The following SIK2 variants were observed in gnomAD, a reference collection of about 807,000 sequenced individuals.
The protein encoded by SIK2 is serine/threonine-protein kinase SIK2.
In SIK2, 29 loss-of-function variants were observed where a neutral mutation model predicts 103.2. The observed-to-expected ratio is 0.28, with a 90% CI of 0.21 to 0.38. The LOEUF (loss-of-function observed/expected upper bound fraction) is 0.38. SIK2 is among the 10% of genes least tolerant of loss of function. SIK2 has a pLI of 1.00. For synonymous variants in SIK2, 412 were observed against 446.1 expected (o/e 0.92, Z 0.96); for missense variants, 879 against 1,171.0 (o/e 0.75, Z 3.64).
intron 3 of SIK2, among the ~76,000 whole-genome samples, chr11:111,634,802 G>T (rs763958141): frequency 7.9e-5 from 12 of 152,182 alleles, no homozygotes; most frequent in Non-Finnish European, 1.6e-4. Flanking sequence ...GGCACATGTT[G>T]TATGGGTTTT....
chr11:111,678,810 G>C (rs1337604306), intron 3 of SIK2, among the ~76,000 whole-genome samples: 1 of 152,224 alleles, frequency 6.6e-6, no homozygotes, highest in Non-Finnish European at 1.5e-5. Flanking sequence ...GCAGAAGCCA[G>C]TAGGATAGAT....
At chr11:111,681,276 T>G (rs1303111133) in intron 3 of SIK2, among the ~76,000 whole-genome samples, 1 of 152,234 alleles carries the variant, frequency 6.6e-6, no homozygotes, top group Non-Finnish European at 1.5e-5. Flanking sequence ...ATGTATCATT[T>G]TTATTAGACT....
At chr11:111,612,892 T>A in intron 1 of SIK2, among the ~76,000 whole-genome samples, 1 of 139,452 alleles carries the variant, frequency 7.2e-6, no homozygotes, top group African/African-American at 2.9e-5. Flanking sequence ...TGTAATAGCC[T>A]TAGAAACAAG....
chr11:111,620,962 A>G (rs1250548620), intron 3 of SIK2, among the ~76,000 whole-genome samples: 1 of 152,220 alleles, frequency 6.6e-6, no homozygotes, highest in Admixed American at 6.5e-5. Flanking sequence ...AAAAAAATTT[A>G]AATATTTTAT....
rs1565382837 is a variant in SIK2, at chr11:111,712,352, G to C, written c.1243G>C (p.Glu415Gln). ...TCAGGCGGAAGCTGCATTCATGGAA[G>C]AAGAGTGTGTGGACACTCCAAAGGT... ...GCQAEAAFME[E>Q]ECVDTPKVNG... is the part of the protein sequence containing the mutation. The change falls in exon 9 of 15, where the codon GAA becomes CAA. Residue 415 changes from glutamate to glutamine, a missense_variant. Around this residue, in one of 7 missense-constraint regions of SIK2, gnomAD observed 222 missense variants for 258.0 expected, o/e 0.86. Transcript: ENST00000304987. 1.2e-6 allele frequency: 2 copies of C among 1,614,164 alleles called. No individual in the cohort carries two copies. Among genetic ancestry groups the C allele is most frequent in the Non-Finnish European group, 1.7e-6 (2 of 1,180,022 alleles).
intron 11 of SIK2, 62 bp from the exon 12 acceptor site, chr11:111,720,827 GTGTGGTCACC>G: frequency 1.9e-6 from 3 of 1,577,734 alleles, no homozygotes; most frequent in Non-Finnish European, 2.6e-6. Context: ...TGCCATGTTG[GTGTGGTCACC>G]TGTGGTCACT....
chr11:111,629,104 A>G (rs1010230924), intron 3 of SIK2, among the ~76,000 whole-genome samples: 1 of 152,170 alleles, frequency 6.6e-6, no homozygotes, highest in Non-Finnish European at 1.5e-5. Flanking sequence ...GAGAGGCTGA[A>G]TGTTTGGGTT....
At chr11:111,614,289 G>C (rs889464681) in intron 1 of SIK2, among the ~76,000 whole-genome samples, 2 of 151,890 alleles carry the variant, frequency 1.3e-5, no homozygotes, top group Admixed American at 1.3e-4. Flanking sequence ...TCACCATGTT[G>C]GCCAGGCTGG....
chr11:111,614,449 T>C (rs1487104609), intron 1 of SIK2, among the ~76,000 whole-genome samples: 1 of 152,172 alleles, frequency 6.6e-6, no homozygotes, highest in Non-Finnish European at 1.5e-5. Flanking sequence ...ACAGAAACAG[T>C]CCATTAACAC....
At chr11:111,717,687 C>G (rs1234292574) in intron 9 of SIK2, among the ~76,000 whole-genome samples, 2 of 152,208 alleles carry the variant, frequency 1.3e-5, no homozygotes, top group East Asian at 3.8e-4. Flanking sequence ...GACATGGAAT[C>G]AACCCAAATG....
chr11:111,665,508 CA>C lies in SIK2; in HGVS notation c.317-22486del, dbSNP rs559593360. ...AGGGTGACAGAGCAAGACCCTGTCT[CA>C]AAAAAAGAAAAAAAAAGGAAAAGAA... is the stretch of plus-strand genomic sequence containing the variant. On this transcript the variant is annotated intron_variant, in intron 3 of 14. Transcript: ENST00000304987. 2.0e-5 allele frequency among the ~76,000 whole-genome samples: 3 copies of C among 150,788 alleles called. No individual in the cohort carries two copies. The East Asian group carries it at 5.9e-4, about 29-fold the overall frequency.
Position 111,720,564 on chromosome 11 carries a change from T to C in SIK2, c.1582T>C (p.Phe528Leu). ...DMGSVQRDLN[F>L]LEDNPSLKDI... Reference sequence around the variant, plus strand: ...GGGGTCTGTTCAGAGGGACCTGAACTTTCTGGAAGACAACCCTTCCCTTAA... The same window carrying C: ...GGGGTCTGTTCAGAGGGACCTGAACCTTCTGGAAGACAACCCTTCCCTTAA... The change falls in exon 11 of 15, where the codon TTT (phenylalanine) becomes CTT (leucine). Residue 528 changes from phenylalanine to leucine, a missense_variant. Around this residue, in one of 7 missense-constraint regions of SIK2, gnomAD observed 222 missense variants for 258.0 expected, o/e 0.86. Coordinates refer to ENST00000304987, the MANE Select transcript of SIK2 (RefSeq NM_015191.3). 6.2e-7 allele frequency: 1 copy of C among 1,614,170 alleles called. No homozygotes were observed. The highest frequency in any genetic ancestry group is 8.5e-7 in the Non-Finnish European group (1 of 1,180,034).
At chr11:111,669,588 TAAAAAAGAAA>T (rs1241189847) in intron 3 of SIK2, among the ~76,000 whole-genome samples, 2 of 148,598 alleles carry the variant, frequency 1.3e-5, no homozygotes, top group East Asian at 2.0e-4. Flanking sequence ...CCATCTCTTT[TAAAAAAGAAA>T]AAAAAAGAAA....
chr11:111,703,499 T>C, intron 7 of SIK2, 76 bp downstream of exon 7: 1 of 1,338,828 alleles, frequency 7.5e-7, no homozygotes, highest in Non-Finnish European at 1.1e-6. Flanking sequence ...GTCATCCTGG[T>C]CTTTTAGCAC....
intron 3 of SIK2, among the ~76,000 whole-genome samples, chr11:111,685,315 C>T (rs1000354998): frequency 1.3e-5 from 2 of 152,242 alleles, no homozygotes; most frequent in African/African-American, 4.8e-5. Context: ...GGGTTCCTAA[C>T]AGGCCATGGA....
At position 111,720,002 on chromosome 11, in the gene SIK2, A is replaced by G; in HGVS notation, c.1494A>G (p.Ala498=). 6.2e-7 allele frequency: 1 copy of G among 1,612,720 alleles called. No homozygotes were observed. Among genetic ancestry groups the G allele is most frequent in the Non-Finnish European group, 8.5e-7 (1 of 1,179,340 alleles). The change falls in exon 10 of 15, where the codon GCA becomes GCG. Residue 498 remains alanine, a splice_region_variant and synonymous_variant. Transcript: ENST00000304987. Reference sequence around the variant, plus strand: ...ATCAACTGGTCGTGATGCCTGGGGCAGGTACGGTAGAGGAGCGACACTAGC... The same window carrying G: ...ATCAACTGGTCGTGATGCCTGGGGCGGGTACGGTAGAGGAGCGACACTAGC... The part of the protein sequence containing the change: ...VTNQLVVMPG[A]GKIFSMNDSP...
chr11:111,665,192 G>A lies in SIK2; in HGVS notation c.317-22809G>A, dbSNP rs1210540533. Among the ~76,000 whole-genome samples, 19 of 152,126 alleles carry A rather than the reference G, an allele frequency of 1.2e-4. 2 individuals carry two copies. Among genetic ancestry groups the A allele is most frequent in the Admixed American group, 5.2e-4 (8 of 15,282 alleles). On this transcript the variant is annotated intron_variant, in intron 3 of 14. Transcript: ENST00000304987. Reference sequence around the variant, plus strand: ...GATGGGATGGAATGATCACAGTAAGGCCAGAGTGGGTAGGAGATATTAGAA... The same window carrying A: ...GATGGGATGGAATGATCACAGTAAGACCAGAGTGGGTAGGAGATATTAGAA...
chr11:111,663,837 C>T (rs1304317787), intron 3 of SIK2, among the ~76,000 whole-genome samples: 2 of 152,146 alleles, frequency 1.3e-5, no homozygotes, highest in Non-Finnish European at 2.9e-5. Context: ...TTATTTGATC[C>T]TTATAAAAAC....
intron 3 of SIK2, among the ~76,000 whole-genome samples, chr11:111,664,151 G>A (rs572409940): frequency 6.6e-5 from 10 of 152,322 alleles, no homozygotes; most frequent in Admixed American, 4.6e-4. Flanking sequence ...AGCTTTTAAA[G>A]TGTTGACCTA....
Sources: gnomAD v4.1 joint callset for allele counts (sites outside exome capture counted in the v4.1 genomes callset) on GRCh38, gnomAD v4.1.1 for gene constraint, gnomAD v4.1.1 regional missense constraint, MANE v1.5 for transcripts, NCBI Gene and HGNC (gene_info 2026-07-23, HGNC 2026-07-21) for gene names.